The following CFDP1 variants were observed in gnomAD, a reference collection of about 807,000 sequenced individuals.
The protein encoded by CFDP1 is heterochromatin-stabilizing protein CFDP1.
A neutral mutation model predicts 40.1 loss-of-function variants in CFDP1; 31 were observed. The observed-to-expected ratio is 0.77, with a 90% CI of 0.58 to 1.04. The LOEUF (loss-of-function observed/expected upper bound fraction) is 1.04, where lower values mean the gene tolerates loss of function less well. Among genes scored for constraint, CFDP1 ranks in the 50% least tolerant of loss-of-function variants. The pLI, the probability that CFDP1 is intolerant of heterozygous loss-of-function variation, is 0.00. For synonymous variants in CFDP1, 167 were observed against 120.0 expected, an observed-to-expected ratio of 1.39 and a Z score of -2.56; for missense variants, 423 against 343.4, an observed-to-expected ratio of 1.23 and a Z score of -1.83.
At chr16:75,339,154 C>T (rs2078509777) in intron 5 of CFDP1, among the ~76,000 whole-genome samples, 1 of 152,022 alleles carries the variant, frequency 6.6e-6, no homozygotes, top group Non-Finnish European at 1.5e-5. Context: ...CTGAAATGAG[C>T]CTCCTTATTG....
intron 5 of CFDP1, among the ~76,000 whole-genome samples, chr16:75,382,338 C>T (rs1372872085): frequency 1.3e-5 from 2 of 152,160 alleles, no homozygotes; most frequent in African/African-American, 4.8e-5. Flanking sequence ...TGATCCTTTG[C>T]TTTCATTATG....
intron 5 of CFDP1, among the ~76,000 whole-genome samples, chr16:75,387,779 T>C (rs2078912012): frequency 6.6e-6 from 1 of 152,232 alleles, no homozygotes; most frequent in Non-Finnish European, 1.5e-5. Flanking sequence ...AGCTTCACTG[T>C]TGCTGCTGAC....
In CFDP1 at chr16:75,433,313, C is replaced by A; in HGVS notation, c.40G>T (p.Glu14Ter). Residue 14 changes from glutamate to a stop codon, truncating the protein, a stop_gained, in exon 1 of 7, where the codon GAG (glutamate) becomes TAG (stop). Transcript: ENST00000283882. LOFTEE classifies it high-confidence loss of function. ...CCCGACGGCACGTAGTCCTCGTCCTCCTCCGACGTAGAGAAGTCTTCGGAG... is the reference window on the plus strand; with the variant it reads ...CCCGACGGCACGTAGTCCTCGTCCTACTCCGACGTAGAGAAGTCTTCGGAG... ...FDSEDFSTSEEDEDYVPSGGE... is the reference protein window; with the variant it reads ...FDSEDFSTSE 2 of 1,601,608 alleles carry A rather than the reference C, an allele frequency of 1.2e-6. No individual in the cohort carries two copies. Among genetic ancestry groups the A allele is most frequent in the East Asian group, 2.2e-5 (1 of 44,524 alleles).
chr16:75,320,607 G>A (rs572523347), intron 5 of CFDP1, among the ~76,000 whole-genome samples: 1 of 152,210 alleles, frequency 6.6e-6, no homozygotes, highest in African/African-American at 2.4e-5. Context: ...ACCCCAGACT[G>A]TGAGAGTGTG....
chr16:75,366,411 C>T (rs935113030), intron 5 of CFDP1, among the ~76,000 whole-genome samples: 3 of 152,002 alleles, frequency 2.0e-5, no homozygotes, highest in Admixed American at 6.6e-5. Context: ...GAGGCTGAGG[C>T]AGGCAGCTCA....
rs1011249499 is a variant in CFDP1 at position 75,402,468 on chromosome 16, A to T, written c.531-7259T>A. 3.9e-4 allele frequency among the ~76,000 whole-genome samples: 59 copies of T among 152,318 alleles called. No individual in the cohort carries two copies. In the Middle Eastern group the frequency reaches 0.014, roughly 35 times the overall value. ...TATTCCCCCATTCCCCTAGGTTAATAAGCTAAACATTTTTCAAGTAGGGAC... is the reference window on the plus strand; with the variant it reads ...TATTCCCCCATTCCCCTAGGTTAATTAGCTAAACATTTTTCAAGTAGGGAC... On this transcript the variant is annotated intron_variant, in intron 4 of 6. Transcript: ENST00000283882.
chr16:75,422,018 G>T lies in CFDP1; in HGVS notation c.65-7323C>A, dbSNP rs1009168216. Among the ~76,000 whole-genome samples the T allele has an allele frequency of 3.9e-5, 6 of 152,268 alleles. No homozygotes were observed. The South Asian group carries it at 1.2e-3, about 32-fold the overall frequency. On this transcript the variant is annotated intron_variant, in intron 1 of 6. Transcript: ENST00000283882. The stretch of plus-strand genomic sequence containing the variant: ...ATAGTTGTTATACTGTATTGTTTAG[G>T]AAATAATGACAAGGAAAAAAGTTTG...
Position 75,433,356 on chromosome 16 carries a change from G to A in CFDP1, c.-4C>T. The A allele has an allele frequency of 6.3e-7, 1 of 1,587,128 alleles. No individual in the cohort carries two copies. Among genetic ancestry groups the A allele is most frequent in the Non-Finnish European group, 8.6e-7 (1 of 1,166,868 alleles). ...CTTCGGAGTCGAATTCCTCCATGTT[G>A]CTGCCGCTCGACGCTGGTCAAACTC... On this transcript the variant is annotated 5_prime_UTR_variant, in exon 1 of 7. Coordinates refer to ENST00000283882, the MANE Select transcript of CFDP1 (RefSeq NM_006324.3).
Position 75,422,405 on chromosome 16 carries a change from T to TC in CFDP1, c.65-7711_65-7710insG, listed in dbSNP as rs574570318. 1.3e-3 allele frequency among the ~76,000 whole-genome samples: 186 copies of TC among 148,168 alleles called. 1 individual carries two copies. The highest frequency in any genetic ancestry group is 0.01 in the South Asian group (46 of 4,582). ...CCACTGCGTATGGCCTCTTTTTTTT[T>TC]TTTTTTTTTTTTGAGACAGAGTCTC... On this transcript the variant is annotated intron_variant, in intron 1 of 6. Coordinates refer to ENST00000283882, the MANE Select transcript of CFDP1 (RefSeq NM_006324.3).
intron 4 of CFDP1, among the ~76,000 whole-genome samples, chr16:75,399,150 A>G (rs1259464580): frequency 1.3e-5 from 2 of 152,096 alleles, no homozygotes; most frequent in African/African-American, 4.8e-5. Context: ...CTGAGTAAGA[A>G]CTGCCTAGCT....
At chr16:75,386,036 G>C (rs192313464) in intron 5 of CFDP1, among the ~76,000 whole-genome samples, 49 of 152,164 alleles carry the variant, frequency 3.2e-4, no homozygotes, top group Non-Finnish European at 6.2e-4. Context: ...GCAAAATAAA[G>C]TTTTAAAAGT....
At chr16:75,324,912 G>C (rs1395071542) in intron 5 of CFDP1, 1 of 152,124 alleles carries the variant, frequency 6.6e-6, no homozygotes, top group Non-Finnish European at 1.5e-5. Flanking sequence ...TTCAAGCCAA[G>C]AAACGTTGGT....
intron 5 of CFDP1, among the ~76,000 whole-genome samples, chr16:75,327,296 G>C (rs998055258): frequency 1.3e-5 from 2 of 151,958 alleles, no homozygotes; most frequent in East Asian, 1.9e-4. Context: ...AAAACCAGGG[G>C]AATAAACCTG....
intron 1 of CFDP1, among the ~76,000 whole-genome samples, chr16:75,426,693 A>T (rs908006970): frequency 1.1e-4 from 16 of 152,204 alleles, no homozygotes; most frequent in African/African-American, 3.9e-4. Flanking sequence ...CACCAAAAAA[A>T]ATTGCTGTGC....
intron 4 of CFDP1, among the ~76,000 whole-genome samples, chr16:75,408,606 A>G (rs1001618287): frequency 5.9e-5 from 9 of 152,044 alleles, no homozygotes; most frequent in South Asian, 2.1e-4. Context: ...GTGAAATCCC[A>G]TATCTACTAA....
chr16:75,415,704 T>C (rs2079197433), intron 1 of CFDP1, among the ~76,000 whole-genome samples: 1 of 152,240 alleles, frequency 6.6e-6, no homozygotes, highest in Non-Finnish European at 1.5e-5. Context: ...CTGTAGTTTA[T>C]TCATTCTCAC....
In CFDP1 at chr16:75,386,498, G is replaced by A. The variant is rs562844559; in HGVS notation, c.650+8592C>T. ...CCAGCACTTTGGGAGGCCCAGGCAGGTGGATTGCTTGAGGTCAGGAGTTTG... is the reference window on the plus strand; with the variant it reads ...CCAGCACTTTGGGAGGCCCAGGCAGATGGATTGCTTGAGGTCAGGAGTTTG... On this transcript the variant is annotated intron_variant, in intron 5 of 6. Coordinates refer to ENST00000283882, the MANE Select transcript of CFDP1 (RefSeq NM_006324.3). Among the ~76,000 whole-genome samples, 50 of 152,336 alleles carry A rather than the reference G, an allele frequency of 3.3e-4. No individual in the cohort carries two copies. The South Asian group carries it at 9.9e-3, about 30-fold the overall frequency.
chr16:75,333,925 T>G (rs543022112), intron 5 of CFDP1, among the ~76,000 whole-genome samples: 1 of 152,278 alleles, frequency 6.6e-6, no homozygotes, highest in Non-Finnish European at 1.5e-5. Context: ...TTATGGTGGT[T>G]AGAGCAAGGC....
chr16:75,295,298 T>C (rs758514608), intron 6 of CFDP1, among the ~76,000 whole-genome samples: 2 of 152,234 alleles, frequency 1.3e-5, no homozygotes, highest in Non-Finnish European at 2.9e-5. Context: ...GTACAGGCTC[T>C]GAGGCCAGAG....
Sources: gnomAD v4.1 joint callset for allele counts (sites outside exome capture counted in the v4.1 genomes callset) on GRCh38, gnomAD v4.1.1 for gene constraint, MANE v1.5 for transcripts, NCBI Gene and HGNC (gene_info 2026-07-23, HGNC 2026-07-21) for gene names.